The following ZC3H12B variants were observed in gnomAD, a reference collection of about 807,000 sequenced individuals.
ZC3H12B encodes probable ribonuclease ZC3H12B.
In ZC3H12B, 7 loss-of-function variants were observed where a neutral mutation model predicts 43.9. That is an observed-to-expected ratio of 0.16 (90% confidence interval 0.09 to 0.30). ZC3H12B has a LOEUF of 0.30. ZC3H12B is among the 10% of genes least tolerant of loss of function. The probability of loss-of-function intolerance (pLI) is 1.00; values close to 1 mark genes in which losing one functional copy is unlikely to be tolerated. For synonymous variants in ZC3H12B, 222 were observed against 241.7 expected, an observed-to-expected ratio of 0.92 and a Z score of 0.76; for missense variants, 475 against 670.2, an observed-to-expected ratio of 0.71 and a Z score of 3.22.
At chrX:65,152,344 G>A in the ZC3H12B span, among the ~76,000 whole-genome samples, 1 of 111,591 alleles carries the variant, frequency 9.0e-6, no homozygotes, top group African/African-American at 3.3e-5. Flanking sequence ...CAATGTCTCA[G>A]CCCAAAATCT....
At chrX:65,442,084 C>T (rs1436182984) in intron 3 of ZC3H12B, among the ~76,000 whole-genome samples, 1 of 106,310 alleles carries the variant, frequency 9.4e-6, no homozygotes, top group Non-Finnish European at 1.9e-5. Flanking sequence ...CCATGCTTCC[C>T]ACAGTTAAAA....
At chrX:65,078,020 A>C in the ZC3H12B span, among the ~76,000 whole-genome samples, 2 of 112,073 alleles carry the variant, frequency 1.8e-5, no homozygotes, top group Non-Finnish European at 3.8e-5. Context: ...TTAATGGTGA[A>C]ACTAACAAGA....
chrX:65,090,363 C>A, the ZC3H12B span, among the ~76,000 whole-genome samples: 1 of 111,671 alleles, frequency 9.0e-6, no homozygotes, highest in Admixed American at 9.5e-5. Flanking sequence ...ATAGCTAGGC[C>A]TCTTGTCTCA....
At chrX:65,247,537 C>T in the ZC3H12B span, among the ~76,000 whole-genome samples, 1 of 112,787 alleles carries the variant, frequency 8.9e-6, no homozygotes, top group Non-Finnish European at 1.9e-5. Context: ...TTCATATTCA[C>T]AGTGGAACAC....
the ZC3H12B span, among the ~76,000 whole-genome samples, chrX:65,073,692 C>G: frequency 8.9e-6 from 1 of 112,181 alleles, no homozygotes; most frequent in South Asian, 3.7e-4. Flanking sequence ...TACCACTTCT[C>G]TAATGGCTTC....
At chrX:65,472,998 GTA>G (rs370502555) in intron 3 of ZC3H12B, among the ~76,000 whole-genome samples, 7,594 of 77,672 alleles carry the variant, frequency 0.098, 1,275 homozygotes, top group African/African-American at 0.38. Context: ...ATATATATAT[GTA>G]TATATATATA....
chrX:65,455,261 C>T (rs984550834), intron 3 of ZC3H12B, among the ~76,000 whole-genome samples: 1 of 111,803 alleles, frequency 8.9e-6, no homozygotes, highest in Non-Finnish European at 1.9e-5. Context: ...ACTAGAATAA[C>T]CAATGCAGAG....
chrX:65,198,569 T>C, the ZC3H12B span, among the ~76,000 whole-genome samples: 3 of 111,950 alleles, frequency 2.7e-5, no homozygotes, highest in African/African-American at 9.7e-5. Context: ...TGCCACTGTC[T>C]CCTGGCCTTT....
At chrX:65,169,148 C>T in the ZC3H12B span, among the ~76,000 whole-genome samples, 2 of 111,463 alleles carry the variant, frequency 1.8e-5, no homozygotes, top group African/African-American at 6.5e-5. Flanking sequence ...TTTGATCTTT[C>T]CTGCTTTCTC....
intron 3 of ZC3H12B, among the ~76,000 whole-genome samples, chrX:65,418,975 A>T (rs780548635): frequency 7.1e-5 from 8 of 112,047 alleles, no homozygotes; most frequent in African/African-American, 2.6e-4. Flanking sequence ...ACTGGACATT[A>T]GATCTGAACT....
chrX:65,448,679 T>C (rs188403639), intron 3 of ZC3H12B, among the ~76,000 whole-genome samples: 20 of 109,392 alleles, frequency 1.8e-4, no homozygotes, highest in Non-Finnish European at 3.6e-4. Context: ...TAGCTGGACG[T>C]GGTGGCACAT....
At chrX:65,466,630 T>C (rs1392359135) in intron 3 of ZC3H12B, among the ~76,000 whole-genome samples, 1 of 107,818 alleles carries the variant, frequency 9.3e-6, no homozygotes, top group Non-Finnish European at 1.9e-5. Flanking sequence ...TTTTTAATTT[T>C]GAAATGAATC....
At chrX:65,377,209 A>G (rs1453584136) in intron 2 of ZC3H12B, among the ~76,000 whole-genome samples, 2 of 108,260 alleles carry the variant, frequency 1.8e-5, no homozygotes, top group African/African-American at 6.7e-5. Flanking sequence ...TTGAAAATAT[A>G]CAGTCCGAGG....
chrX:65,310,147 C>T, the ZC3H12B span, among the ~76,000 whole-genome samples: 1 of 111,466 alleles, frequency 9.0e-6, no homozygotes, highest in African/African-American at 3.3e-5. Flanking sequence ...AAGTTCGGGC[C>T]AGGGCAATCA....
the ZC3H12B span, among the ~76,000 whole-genome samples, chrX:65,314,873 A>C: frequency 9.0e-6 from 1 of 111,197 alleles, no homozygotes; most frequent in South Asian, 3.7e-4. Flanking sequence ...AGAATAAAGG[A>C]AACTGTATGG....
chrX:65,283,755 C>G, the ZC3H12B span, among the ~76,000 whole-genome samples: 1 of 111,431 alleles, frequency 9.0e-6, no homozygotes, highest in Non-Finnish European at 1.9e-5. Context: ...CCAGTGGCAA[C>G]TGTACACTGT....
the ZC3H12B span, among the ~76,000 whole-genome samples, chrX:65,049,490 C>T: frequency 7.2e-5 from 8 of 110,882 alleles, no homozygotes; most frequent in South Asian, 1.1e-3. Context: ...CATGTGTGTG[C>T]GTTTGTTTTT....
At chrX:65,487,099 A>G (rs971505040), upstream of ZC3H12B, among the ~76,000 whole-genome samples, 6 of 112,964 alleles carry the variant, frequency 5.3e-5, 1 homozygote, top group Admixed American at 5.6e-4. Context: ...GTGGTAATGT[A>G]ATCATTCCAG....
the ZC3H12B span, among the ~76,000 whole-genome samples, chrX:65,166,493 T>C: frequency 1.8e-5 from 2 of 112,161 alleles, no homozygotes; most frequent in African/African-American, 3.2e-5. Flanking sequence ...TGAATAGTGC[T>C]GCAATAAACA....
Sources: gnomAD v4.1 joint callset for allele counts (sites outside exome capture counted in the v4.1 genomes callset) on GRCh38, gnomAD v4.1.1 for gene constraint, MANE v1.5 for transcripts, NCBI Gene and HGNC (gene_info 2026-07-23, HGNC 2026-07-21) for gene names.